Variants in STK33 observed in about 807,000 individuals in gnomAD.
STK33 encodes serine/threonine-protein kinase 33.
Under a neutral mutation model 58.0 loss-of-function variants are expected in STK33, and 52 were observed. The observed-to-expected ratio is 0.90, with a 90% CI of 0.72 to 1.13. The LOEUF is 1.13. STK33 is among the 50% of genes most tolerant of loss of function. STK33 has a pLI of 0.00. For missense variants in STK33, 630 were observed against 604.2 expected, an observed-to-expected ratio of 1.04 and a Z score of -0.45; for synonymous variants, 215 against 200.1, an observed-to-expected ratio of 1.07 and a Z score of -0.63.
intron 1 of STK33, among the ~76,000 whole-genome samples, chr11:8,534,560 C>CTGTGTGTG (rs1230223586): frequency 4.2e-5 from 5 of 119,968 alleles, no homozygotes; most frequent in African/African-American, 1.1e-4. Context: ...CTCTCTCTCT[C>CTGTGTGTG]TCTCTCTCTG....
chr11:8,352,722 T>A, the STK33 span, among the ~76,000 whole-genome samples: 1 of 152,226 alleles, frequency 6.6e-6, no homozygotes, highest in Admixed American at 6.5e-5. Flanking sequence ...TTATGGCTCC[T>A]GGGTGGCTGC....
At chr11:8,588,071 C>T (rs138630678) in intron 1 of STK33, among the ~76,000 whole-genome samples, 156 of 152,306 alleles carry the variant, frequency 1.0e-3, no homozygotes, top group African/African-American at 3.5e-3. Flanking sequence ...TCTGTCCTCT[C>T]ATGGTAGAGA....
intron 15 of STK33, among the ~76,000 whole-genome samples, chr11:8,396,874 C>A (rs112635324): frequency 0.013 from 1,977 of 152,308 alleles, 48 homozygotes; most frequent in African/African-American, 0.045. Context: ...GCTAGCACAG[C>A]AGTCTGAGAT....
At chr11:8,414,396 A>C (rs551581026) in intron 14 of STK33, among the ~76,000 whole-genome samples, 114 of 152,296 alleles carry the variant, frequency 7.5e-4, no homozygotes, top group African/African-American at 2.6e-3. Flanking sequence ...GGTGTGTCTT[A>C]AATATTTTTG....
intron 1 of STK33, among the ~76,000 whole-genome samples, chr11:8,524,648 A>G (rs1238093016): frequency 6.6e-6 from 1 of 152,112 alleles, no homozygotes; most frequent in Non-Finnish European, 1.5e-5. Flanking sequence ...GTGACCAGAA[A>G]TATGCCATAA....
intron 8 of STK33, among the ~76,000 whole-genome samples, chr11:8,458,989 T>C (rs1329835154): frequency 6.6e-6 from 1 of 152,192 alleles, no homozygotes; most frequent in Non-Finnish European, 1.5e-5. Context: ...CTGCAAAATC[T>C]AACACATAAA....
At chr11:8,536,834 A>G (rs1955042816) in intron 1 of STK33, among the ~76,000 whole-genome samples, 1 of 151,138 alleles carries the variant, frequency 6.6e-6, no homozygotes, top group Non-Finnish European at 1.5e-5. Flanking sequence ...GCTGGAGTAC[A>G]ATGGCATGAT....
chr11:8,480,940 CA>C, intron 1 of STK33, among the ~76,000 whole-genome samples: 1 of 152,276 alleles, frequency 6.6e-6, no homozygotes, highest in East Asian at 1.9e-4. Context: ...CTTTGACTAT[CA>C]AGCACCAATT....
intron 1 of STK33, among the ~76,000 whole-genome samples, chr11:8,530,232 C>A (rs569239403): frequency 2.0e-5 from 3 of 151,572 alleles, no homozygotes; most frequent in South Asian, 4.2e-4. Context: ...GTTTTTTTTA[C>A]ACTTAGGTAT....
At chr11:8,378,602 A>C in the STK33 span, among the ~76,000 whole-genome samples, 1 of 152,210 alleles carries the variant, frequency 6.6e-6, no homozygotes, top group African/African-American at 2.4e-5. Context: ...CATGAGAATA[A>C]ATGCCCTCAT....
chr11:8,377,310 T>A, the STK33 span, among the ~76,000 whole-genome samples: 1 of 152,160 alleles, frequency 6.6e-6, no homozygotes, highest in Non-Finnish European at 1.5e-5. Context: ...CCCTAAAAAC[T>A]GGCCAATTAA....
intron 1 of STK33, among the ~76,000 whole-genome samples, chr11:8,484,871 C>T (rs996677280): frequency 2.0e-5 from 3 of 152,052 alleles, no homozygotes; most frequent in African/African-American, 4.8e-5. Flanking sequence ...CAAGAAAAGG[C>T]AATAAGCCTT....
At position 8,427,743 on chromosome 11, in the gene STK33, C is replaced by T. The variant is rs1392047264; in HGVS notation, c.1146+7751G>A. ...ATCTACTATGTATCCTATATCACTG[C>T]ATTCTATATTTCAACTATTATATTT... is the stretch of plus-strand genomic sequence containing the variant. On this transcript the variant is annotated intron_variant, in intron 14 of 15. Transcript: ENST00000687296. Among the ~76,000 whole-genome samples the T allele has an allele frequency of 2.0e-5, 3 of 152,082 alleles. No homozygotes were observed. In the East Asian group the frequency reaches 5.8e-4, roughly 29 times the overall value.
chr11:8,352,050 A>C, the STK33 span, among the ~76,000 whole-genome samples: 1 of 152,192 alleles, frequency 6.6e-6, no homozygotes, highest in Non-Finnish European at 1.5e-5. Flanking sequence ...CAACTGTCCC[A>C]ACAAATAAGC....
At chr11:8,584,156 G>C (rs111991431) in intron 1 of STK33, among the ~76,000 whole-genome samples, 12 of 151,614 alleles carry the variant, frequency 7.9e-5, no homozygotes, top group African/African-American at 2.7e-4. Context: ...TAAATGGTAG[G>C]GCCAGAACCT....
chr11:8,549,300 C>A (rs1023881942), intron 1 of STK33, among the ~76,000 whole-genome samples: 7 of 152,124 alleles, frequency 4.6e-5, no homozygotes, highest in Non-Finnish European at 8.8e-5. Context: ...GATGAACCAT[C>A]CTTGCATCCC....
At chr11:8,339,444 C>T in the STK33 span, among the ~76,000 whole-genome samples, 2 of 152,226 alleles carry the variant, frequency 1.3e-5, no homozygotes, top group South Asian at 2.1e-4. Flanking sequence ...TTGCCGACTC[C>T]GGGAGTAACC....
chr11:8,576,047 A>T (rs1470892165), intron 1 of STK33, among the ~76,000 whole-genome samples: 1 of 152,136 alleles, frequency 6.6e-6, no homozygotes, highest in African/African-American at 2.4e-5. Context: ...AACAACCGAC[A>T]TTTGTAAATG....
chr11:8,453,070 C>T lies in STK33; in HGVS notation c.787-164G>A, dbSNP rs145625500. On this transcript the variant is annotated intron_variant, in intron 10 of 15. Coordinates refer to ENST00000687296, the MANE Select transcript of STK33 (RefSeq NM_001352389.2). ...AAAATTTTGCATTTCCTTCCCCACC[C>T]ACCTCTCTGTATAGAGGAGAAACTG... Among the ~76,000 whole-genome samples, 1,220 of 152,278 alleles carry T rather than the reference C, an allele frequency of 8.0e-3. 9 individuals carry two copies. The highest frequency in any genetic ancestry group is 0.048 in the Middle Eastern group (14 of 294).
Sources: allele counts gnomAD v4.1 joint callset (sites outside exome capture counted in the v4.1 genomes callset), GRCh38; gene constraint gnomAD v4.1.1; transcripts MANE v1.5; gene names NCBI Gene and HGNC (gene_info 2026-07-23, HGNC 2026-07-21).